The following INPP4B variants were observed in gnomAD, a reference collection of about 807,000 sequenced individuals.
INPP4B encodes inositol polyphosphate 4-phosphatase type II.
In INPP4B, 55 loss-of-function variants were observed where a neutral mutation model predicts 122.5. The ratio of observed to expected loss-of-function variants is 0.45; its 90% CI spans 0.36 to 0.56. The LOEUF (loss-of-function observed/expected upper bound fraction) is 0.56. INPP4B is among the 20% of genes least tolerant of loss of function. The pLI, the probability that INPP4B is intolerant of heterozygous loss-of-function variation, is 0.00. For synonymous variants in INPP4B, 403 were observed against 388.7 expected (o/e 1.04, Z -0.43); for missense variants, 1,000 against 1,097.7 (o/e 0.91, Z 1.26).
intron 21 of INPP4B, among the ~76,000 whole-genome samples, chr4:142,117,397 G>C (rs545273375): frequency 5.9e-5 from 9 of 152,204 alleles, no homozygotes; most frequent in African/African-American, 1.9e-4. Context: ...GATGAACATT[G>C]ATGCAAAAAT....
intron 1 of INPP4B, among the ~76,000 whole-genome samples, chr4:142,780,561 G>A (rs1314531704): frequency 6.6e-6 from 1 of 152,120 alleles, no homozygotes; most frequent in African/African-American, 2.4e-5. Context: ...CACTTTGGGA[G>A]GCCGAGGCAG....
chr4:142,727,338 A>G (rs183177118), intron 1 of INPP4B, among the ~76,000 whole-genome samples: 279 of 152,222 alleles, frequency 1.8e-3, no homozygotes, highest in Middle Eastern at 0.01. Context: ...TCTTATGAAC[A>G]CTCGATCTAA....
intron 18 of INPP4B, among the ~76,000 whole-genome samples, chr4:142,144,222 TACACACACACACACACACACAC>T (rs35496129): frequency 2.1e-5 from 3 of 144,940 alleles, no homozygotes; most frequent in Admixed American, 7.0e-5. Context: ...AAATACAAGA[TACACACACACACACACACACAC>T]ACACACACAC....
At chr4:142,463,004 A>G (rs754830357) in intron 2 of INPP4B, among the ~76,000 whole-genome samples, 3 of 152,344 alleles carry the variant, frequency 2.0e-5, no homozygotes, top group South Asian at 4.1e-4. Flanking sequence ...CAGGCACTAT[A>G]TTAAGTTACA....
chr4:142,639,201 C>T (rs1580585017), intron 2 of INPP4B, among the ~76,000 whole-genome samples: 1 of 152,060 alleles, frequency 6.6e-6, no homozygotes, highest in Non-Finnish European at 1.5e-5. Context: ...CATCTGTGTT[C>T]ATAAGAGGTA....
intron 1 of INPP4B, among the ~76,000 whole-genome samples, chr4:142,815,117 A>G (rs1051049991): frequency 6.6e-6 from 1 of 152,168 alleles, no homozygotes; most frequent in African/African-American, 2.4e-5. Context: ...CAGTGGAATC[A>G]GGAGGAAACA....
At chr4:142,419,712 C>A (rs1183893860) in intron 5 of INPP4B, among the ~76,000 whole-genome samples, 1 of 152,104 alleles carries the variant, frequency 6.6e-6, no homozygotes, top group East Asian at 1.9e-4. Flanking sequence ...GAGAACTTAT[C>A]TTTAATATTT....
chr4:142,160,278 G>A (rs762598555), intron 17 of INPP4B, 80 bp downstream of exon 17: 61 of 1,007,864 alleles, frequency 6.1e-5, no homozygotes, highest in Non-Finnish European at 8.1e-5. Flanking sequence ...TTTTAAAATG[G>A]AAAGCAGAGC....
At chr4:142,665,110 T>A (rs1312342296) in intron 2 of INPP4B, among the ~76,000 whole-genome samples, 1 of 152,186 alleles carries the variant, frequency 6.6e-6, no homozygotes, top group South Asian at 2.1e-4. Context: ...CAGACCACCA[T>A]GGGATATGCT....
At position 142,399,800 on chromosome 4, in the gene INPP4B, C is replaced by T. The variant is rs187296175; in HGVS notation, c.372+3138G>A. ...ATTTCCTTATAGTGAGGAAAATAATCAAAAGATCACTCTAATACTAATACA... is the reference window on the plus strand; with the variant it reads ...ATTTCCTTATAGTGAGGAAAATAATTAAAAGATCACTCTAATACTAATACA... On this transcript the variant is annotated intron_variant, in intron 7 of 25. Coordinates refer to ENST00000262992, the MANE Select transcript of INPP4B (RefSeq NM_001101669.3). Among the ~76,000 whole-genome samples the T allele has an allele frequency of 2.5e-3, 386 of 152,158 alleles. 5 individuals are homozygous for T. Among genetic ancestry groups the T allele is most frequent in the African/African-American group, 8.6e-3 (356 of 41,524 alleles).
At chr4:142,034,692 G>T (rs1016182821) in intron 25 of INPP4B, among the ~76,000 whole-genome samples, 5 of 151,978 alleles carry the variant, frequency 3.3e-5, no homozygotes, top group African/African-American at 1.2e-4. Flanking sequence ...ACCATATATG[G>T]TCAGGAAACC....
At chr4:142,451,893 AG>A (rs1016482255) in intron 3 of INPP4B, among the ~76,000 whole-genome samples, 2 of 152,308 alleles carry the variant, frequency 1.3e-5, no homozygotes, top group Admixed American at 6.5e-5. Flanking sequence ...TATGAAGGGA[AG>A]GGGGTGCTCT....
chr4:142,444,452 A>G (rs111906255), intron 3 of INPP4B, among the ~76,000 whole-genome samples: 15,981 of 152,110 alleles, frequency 0.11, 1,082 homozygotes, highest in African/African-American at 0.18. Flanking sequence ...CAAAACCACA[A>G]TGAGATATCA....
chr4:142,461,163 C>T (rs1816658080), intron 3 of INPP4B, among the ~76,000 whole-genome samples: 1 of 152,102 alleles, frequency 6.6e-6, no homozygotes, highest in Non-Finnish European at 1.5e-5. Context: ...CACAGTGAGA[C>T]CCTGAGTGAC....
intron 2 of INPP4B, among the ~76,000 whole-genome samples, chr4:142,686,411 T>A (rs1580706610): frequency 6.6e-6 from 1 of 151,922 alleles, no homozygotes; most frequent in East Asian, 1.9e-4. Context: ...AGACCAACAG[T>A]CTAGTTGGCT....
chr4:142,633,629 G>A (rs1344167315), intron 2 of INPP4B, among the ~76,000 whole-genome samples: 1 of 152,110 alleles, frequency 6.6e-6, no homozygotes, highest in African/African-American at 2.4e-5. Flanking sequence ...CGAAAGCAAT[G>A]AGCAAATTTT....
At chr4:142,352,472 T>A (rs922842728) in intron 7 of INPP4B, among the ~76,000 whole-genome samples, 4 of 151,502 alleles carry the variant, frequency 2.6e-5, no homozygotes, top group East Asian at 3.9e-4. Flanking sequence ...ATGATATTTG[T>A]AATTATAAAT....
chr4:142,255,468 T>A (rs2150290765), intron 11 of INPP4B, among the ~76,000 whole-genome samples: 1 of 152,208 alleles, frequency 6.6e-6, no homozygotes, highest in East Asian at 1.9e-4. Flanking sequence ...CCATCTCACA[T>A]GCAGACACAC....
intron 2 of INPP4B, among the ~76,000 whole-genome samples, chr4:142,482,390 T>C (rs1820671611): frequency 6.6e-6 from 1 of 152,176 alleles, no homozygotes. Flanking sequence ...AAGTATATCA[T>C]ATTATCCAAT....
Sources: gnomAD v4.1 joint callset for allele counts (sites outside exome capture counted in the v4.1 genomes callset) on GRCh38, gnomAD v4.1.1 for gene constraint, MANE v1.5 for transcripts, NCBI Gene and HGNC (gene_info 2026-07-23, HGNC 2026-07-21) for gene names.